Variants in GPM6A observed in about 807,000 individuals in gnomAD.
GPM6A encodes glycoprotein M6A.
A neutral mutation model predicts 32.1 loss-of-function variants in GPM6A; 7 were observed. The ratio of observed to expected loss-of-function variants is 0.22; its 90% CI spans 0.12 to 0.41. GPM6A has a LOEUF of 0.41. Ranked by LOEUF, GPM6A falls within the 10% of genes least tolerant of loss-of-function variation. The probability of loss-of-function intolerance (pLI) is 1.00; values close to 1 mark genes in which losing one functional copy is unlikely to be tolerated. For synonymous variants in GPM6A, 130 were observed against 123.4 expected, an observed-to-expected ratio of 1.05 and a Z score of -0.35; for missense variants, 235 against 347.2, an observed-to-expected ratio of 0.68 and a Z score of 2.57.
intron 1 of GPM6A, among the ~76,000 whole-genome samples, chr4:175,865,122 A>G (rs1353688774): frequency 6.6e-6 from 1 of 152,000 alleles, no homozygotes; most frequent in African/African-American, 2.4e-5. Flanking sequence ...CATTTTTTTT[A>G]TATAGTATGA....
At chr4:175,986,299 T>C (rs1487152521) in intron 1 of GPM6A, among the ~76,000 whole-genome samples, 2 of 151,728 alleles carry the variant, frequency 1.3e-5, no homozygotes. Flanking sequence ...CTGTGGGAGG[T>C]CAAGATGAGA....
At chr4:175,991,399 A>C (rs1025155701) in intron 1 of GPM6A, among the ~76,000 whole-genome samples, 30 of 152,130 alleles carry the variant, frequency 2.0e-4, no homozygotes, top group African/African-American at 7.2e-4. Context: ...GATAGGAAAA[A>C]AATATGTAAA....
intron 2 of GPM6A, among the ~76,000 whole-genome samples, chr4:175,701,360 G>A (rs1744868699): frequency 6.6e-6 from 1 of 152,160 alleles, no homozygotes; most frequent in Non-Finnish European, 1.5e-5. Flanking sequence ...CATTGGTTAA[G>A]TCCTGATTAA....
intron 1 of GPM6A, among the ~76,000 whole-genome samples, chr4:175,788,253 G>C (rs1733879089): frequency 6.6e-6 from 1 of 152,086 alleles, no homozygotes; most frequent in Admixed American, 6.6e-5. Flanking sequence ...TCTGAAAATA[G>C]ATTTAAAGAA....
At chr4:175,910,436 T>C (rs1308074372) in intron 1 of GPM6A, among the ~76,000 whole-genome samples, 1 of 152,160 alleles carries the variant, frequency 6.6e-6, no homozygotes, top group Non-Finnish European at 1.5e-5. Flanking sequence ...ACTCCTCTTC[T>C]TAGTCGGGTA....
chr4:175,677,794 G>C (rs1480760190), intron 2 of GPM6A, among the ~76,000 whole-genome samples: 1 of 151,926 alleles, frequency 6.6e-6, no homozygotes, highest in African/African-American at 2.4e-5. Flanking sequence ...CAAAAAGCAA[G>C]AGCCTATATT....
intron 1 of GPM6A, among the ~76,000 whole-genome samples, chr4:175,729,459 T>C (rs543331432): frequency 2.0e-5 from 3 of 152,276 alleles, no homozygotes; most frequent in African/African-American, 4.8e-5. Context: ...GATCTCCCTG[T>C]CTATTTAAAG....
intron 1 of GPM6A, among the ~76,000 whole-genome samples, chr4:175,840,606 G>A (rs976751255): frequency 2.0e-5 from 3 of 152,106 alleles, no homozygotes; most frequent in Non-Finnish European, 4.4e-5. Flanking sequence ...CCCAGGAGGC[G>A]GAGGTTTCAG....
chr4:175,982,743 A>G (rs115581720), intron 1 of GPM6A, among the ~76,000 whole-genome samples: 4,194 of 152,104 alleles, frequency 0.028, 108 homozygotes, highest in Admixed American at 0.048. Flanking sequence ...TTGCCTTTCC[A>G]TATGAATTTG....
chr4:175,833,324 A>G (rs927518761), intron 1 of GPM6A, among the ~76,000 whole-genome samples: 1 of 152,148 alleles, frequency 6.6e-6, no homozygotes, highest in East Asian at 1.9e-4. Flanking sequence ...AGAATGTGAA[A>G]CAAGGTGGAC....
intron 1 of GPM6A, among the ~76,000 whole-genome samples, chr4:175,726,956 A>G (rs761145838): frequency 1.4e-4 from 22 of 152,162 alleles, no homozygotes; most frequent in Non-Finnish European, 4.4e-5. Context: ...AGATCATGCC[A>G]CTGCACTCCA....
chr4:175,879,894 A>G (rs1737213738), intron 1 of GPM6A, among the ~76,000 whole-genome samples: 2 of 152,232 alleles, frequency 1.3e-5, no homozygotes, highest in African/African-American at 4.8e-5. Flanking sequence ...CACCAAGTTA[A>G]GCAAGAATCA....
At chr4:175,773,261 G>A (rs767990945) in intron 1 of GPM6A, among the ~76,000 whole-genome samples, 20 of 152,092 alleles carry the variant, frequency 1.3e-4, no homozygotes, top group Non-Finnish European at 2.5e-4. Flanking sequence ...GAGTAAGATC[G>A]GCATATGCCA....
At chr4:175,769,503 C>A (rs1733104185) in intron 1 of GPM6A, among the ~76,000 whole-genome samples, 1 of 152,078 alleles carries the variant, frequency 6.6e-6, no homozygotes. Flanking sequence ...AATCAATGGA[C>A]CTTTTTGCCC....
intron 4 of GPM6A, among the ~76,000 whole-genome samples, chr4:175,651,552 A>G (rs772124462): frequency 3.3e-5 from 5 of 152,116 alleles, no homozygotes; most frequent in Middle Eastern, 3.2e-3. Flanking sequence ...AGGAATCAAG[A>G]AAAGGAAACC....
intron 2 of GPM6A, among the ~76,000 whole-genome samples, chr4:175,689,902 G>T (rs1279945196): frequency 1.3e-5 from 2 of 152,140 alleles, no homozygotes; most frequent in East Asian, 3.8e-4. Flanking sequence ...CCTCCAAAAA[G>T]CCAGAGCACT....
intron 2 of GPM6A, among the ~76,000 whole-genome samples, chr4:175,700,396 C>T (rs1020224380): frequency 1.1e-4 from 17 of 152,014 alleles, no homozygotes; most frequent in Non-Finnish European, 1.8e-4. Flanking sequence ...TGTCTTCTAC[C>T]TAAAAAGTTG....
intron 1 of GPM6A, among the ~76,000 whole-genome samples, chr4:175,987,839 A>G (rs775110964): frequency 6.6e-5 from 10 of 152,164 alleles, no homozygotes; most frequent in Non-Finnish European, 1.5e-4. Context: ...ATTGAATGAT[A>G]TAAAATTTTA....
intron 1 of GPM6A, among the ~76,000 whole-genome samples, chr4:175,838,274 C>A (rs571703680): frequency 6.6e-6 from 1 of 150,818 alleles, no homozygotes; most frequent in Non-Finnish European, 1.5e-5. Flanking sequence ...TTTTCTCTTA[C>A]CCTCATGGAA....
Sources: gnomAD v4.1 joint callset for allele counts (sites outside exome capture counted in the v4.1 genomes callset) on GRCh38, gnomAD v4.1.1 for gene constraint, MANE v1.5 for transcripts, NCBI Gene and HGNC (gene_info 2026-07-23, HGNC 2026-07-21) for gene names.